The following KIRREL3 variants were observed in gnomAD, a reference collection of about 807,000 sequenced individuals.
The protein encoded by KIRREL3 is kin of IRRE-like protein 3.
Under a neutral mutation model 89.7 loss-of-function variants are expected in KIRREL3, and 36 were observed. The ratio of observed to expected loss-of-function variants is 0.40; its 90% CI spans 0.31 to 0.53. The LOEUF is 0.53. KIRREL3 is among the 20% of genes least tolerant of loss of function. The pLI is 0.49. For synonymous variants in KIRREL3, 445 were observed against 441.4 expected, an observed-to-expected ratio of 1.01 and a Z score of -0.10; for missense variants, 864 against 1,056.6, an observed-to-expected ratio of 0.82 and a Z score of 2.53.
chr11:126,483,952 C>A (rs1957285255), intron 4 of KIRREL3, among the ~76,000 whole-genome samples: 1 of 152,232 alleles, frequency 6.6e-6, no homozygotes, highest in Non-Finnish European at 1.5e-5. Context: ...CTCCCACCTG[C>A]AGCCTCTGCA....
Position 126,601,406 on chromosome 11 carries a change from G to C in KIRREL3, c.56-38494C>G, listed in dbSNP as rs1247519421. 2.0e-5 allele frequency among the ~76,000 whole-genome samples: 3 copies of C among 152,270 alleles called. No homozygotes were observed. The highest frequency in any genetic ancestry group is 3.9e-4 in the East Asian group (2 of 5,178). On this transcript the variant is annotated intron_variant, in intron 1 of 16. Coordinates refer to ENST00000525144, the MANE Select transcript of KIRREL3 (RefSeq NM_032531.4). This position sits in a 1 kb window ranked among gnomAD's most constrained non-coding sequence, Gnocchi z 5.8. ...CTGGGAGCACCTGCAATCTCATCTT[G>C]TTTCTTTCCAAGCACCAGGGAAGAA...
intron 2 of KIRREL3, among the ~76,000 whole-genome samples, chr11:126,540,972 A>G (rs1291971453): frequency 6.6e-6 from 1 of 152,124 alleles, no homozygotes; most frequent in Admixed American, 6.5e-5. Context: ...AGCAGCATGG[A>G]AGGAAGAGAG....
chr11:126,929,349 T>C (rs1277543956), intron 1 of KIRREL3, among the ~76,000 whole-genome samples: 2 of 151,982 alleles, frequency 1.3e-5, no homozygotes, highest in Non-Finnish European at 2.9e-5. Flanking sequence ...ACAGGGAAGG[T>C]ACAGGCTTGT....
At position 126,772,522 on chromosome 11, in the gene KIRREL3, T is replaced by C. The variant is rs1950049253; in HGVS notation, c.56-209610A>G. On this transcript the variant is annotated intron_variant, in intron 1 of 16. Transcript: ENST00000525144. This position sits in a 1 kb window ranked among gnomAD's most constrained non-coding sequence, Gnocchi z 4.6. ...GACCTGAAATGGCATGTGTGTGACATGTGTGTTTCACCTCCGGAGTCAGTC... is the reference window on the plus strand; with the variant it reads ...GACCTGAAATGGCATGTGTGTGACACGTGTGTTTCACCTCCGGAGTCAGTC... Among the ~76,000 whole-genome samples, 1 of 152,226 alleles carries C rather than the reference T, an allele frequency of 6.6e-6. No individual in the cohort carries two copies. Among genetic ancestry groups the C allele is most frequent in the African/African-American group, 2.4e-5 (1 of 41,460 alleles).
chr11:126,845,321 A>G (rs1018997388), intron 1 of KIRREL3, among the ~76,000 whole-genome samples: 7 of 152,222 alleles, frequency 4.6e-5, no homozygotes, highest in African/African-American at 1.7e-4. Flanking sequence ...AGAACTTCTT[A>G]CCAATCAGAC....
At chr11:126,874,575 C>T (rs1945209294) in intron 1 of KIRREL3, among the ~76,000 whole-genome samples, 2 of 152,268 alleles carry the variant, frequency 1.3e-5, no homozygotes, top group East Asian at 3.9e-4. Flanking sequence ...CAACTGGACG[C>T]TTTATTTTCA....
In KIRREL3 at chr11:126,812,626, G is replaced by A. The variant is rs987600693; in HGVS notation, c.55+187829C>T. 2.6e-5 allele frequency among the ~76,000 whole-genome samples: 4 copies of A among 152,184 alleles called. No individual in the cohort carries two copies. The highest frequency in any genetic ancestry group is 5.9e-5 in the Non-Finnish European group (4 of 68,034). ...CTGTAGATTTCAGATGCAAGGCAAT[G>A]GTTAGTAACTAGATTTTCTTAGTCC... On this transcript the variant is annotated intron_variant, in intron 1 of 16. Transcript: ENST00000525144. This position sits in a 1 kb window ranked among gnomAD's most constrained non-coding sequence, Gnocchi z 5.2.
chr11:126,721,752 G>A (rs1017891648), intron 1 of KIRREL3, among the ~76,000 whole-genome samples: 15 of 152,142 alleles, frequency 9.9e-5, no homozygotes, highest in African/African-American at 2.7e-4. Flanking sequence ...GGTCTGGCAA[G>A]GAGGCCTTGA....
chr11:126,487,001 C>A (rs144252708), intron 4 of KIRREL3, among the ~76,000 whole-genome samples: 3 of 152,026 alleles, frequency 2.0e-5, no homozygotes, highest in Non-Finnish European at 4.4e-5. Context: ...TCAGTAAGGA[C>A]GAAAATGAGG....
Position 126,817,430 on chromosome 11 carries a change from C to T in KIRREL3, c.55+183025G>A, listed in dbSNP as rs1009271553. 2.0e-5 allele frequency among the ~76,000 whole-genome samples: 3 copies of T among 152,196 alleles called. No homozygotes were observed. The highest frequency in any genetic ancestry group is 7.2e-5 in the African/African-American group (3 of 41,446). ...TGCGAGTGACTGAGGGCTTCAGCTT[C>T]CTCATTGTGGGGGACAGAAGGGGAT... is the stretch of plus-strand genomic sequence containing the variant. On this transcript the variant is annotated intron_variant, in intron 1 of 16. Transcript: ENST00000525144. The surrounding 1 kb of genome is among the most constrained non-coding windows in gnomAD (Gnocchi z 5.7).
rs1957095041 is a variant in KIRREL3, at chr11:126,477,335, G to C, written c.434-3869C>G. ...TGCAGACTTTGCCTTGTTTGGGTGG[G>C]CGGTGGGGGTACCCGTCCCTTTCCC... On this transcript the variant is annotated intron_variant, in intron 4 of 16. Transcript: ENST00000525144. The surrounding 1 kb of genome is among the most constrained non-coding windows in gnomAD (Gnocchi z 4.8). Among the ~76,000 whole-genome samples, 1 of 152,182 alleles carries C rather than the reference G, an allele frequency of 6.6e-6. No individual in the cohort carries two copies. Among genetic ancestry groups the C allele is most frequent in the Non-Finnish European group, 1.5e-5 (1 of 68,032 alleles).
chr11:126,696,841 C>T lies in KIRREL3; in HGVS notation c.56-133929G>A, dbSNP rs112751087. Among the ~76,000 whole-genome samples, 1 of 152,198 alleles carries T rather than the reference C, an allele frequency of 6.6e-6. No homozygotes were observed. Reference sequence around the variant, plus strand: ...TAGACTGTGGAATGAGGTTGACTAGCGCTTACATCCAGACACTACTGTACC... The same window carrying T: ...TAGACTGTGGAATGAGGTTGACTAGTGCTTACATCCAGACACTACTGTACC... On this transcript the variant is annotated intron_variant, in intron 1 of 16. Coordinates refer to ENST00000525144, the MANE Select transcript of KIRREL3 (RefSeq NM_032531.4). This position sits in a 1 kb window ranked among gnomAD's most constrained non-coding sequence, Gnocchi z 4.4.
At chr11:126,679,598 ATAT>A (rs1946358836) in intron 1 of KIRREL3, among the ~76,000 whole-genome samples, 1 of 152,172 alleles carries the variant, frequency 6.6e-6, no homozygotes, top group Admixed American at 6.5e-5. Context: ...ATTAATCATA[ATAT>A]TGTGACTTTG....
Position 126,814,448 on chromosome 11 carries a change from T to C in KIRREL3, c.55+186007A>G, listed in dbSNP as rs765704853. Reference sequence around the variant, plus strand: ...ACCCAAAGGAATATAAATCATTGTATTATAAAGATACATGCACTACATATG... The same window carrying C: ...ACCCAAAGGAATATAAATCATTGTACTATAAAGATACATGCACTACATATG... On this transcript the variant is annotated intron_variant, in intron 1 of 16. Transcript: ENST00000525144. This position sits in a 1 kb window ranked among gnomAD's most constrained non-coding sequence, Gnocchi z 4.4. Among the ~76,000 whole-genome samples the C allele has an allele frequency of 1.3e-5, 2 of 152,192 alleles. No homozygotes were observed. The highest frequency in any genetic ancestry group is 2.9e-5 in the Non-Finnish European group (2 of 68,024).
rs1477933151 is a variant in KIRREL3, at chr11:126,501,521, C to A, written c.433+19794G>T. 6.6e-6 allele frequency among the ~76,000 whole-genome samples: 1 copy of A among 152,146 alleles called. No homozygotes were observed. The highest frequency in any genetic ancestry group is 1.5e-5 in the Non-Finnish European group (1 of 68,022). ...TTGATGTGCTACACATTGCAGGGAGCATTTTCATCCCAGGCGGTGCGTGAC... is the reference window on the plus strand; with the variant it reads ...TTGATGTGCTACACATTGCAGGGAGAATTTTCATCCCAGGCGGTGCGTGAC... On this transcript the variant is annotated intron_variant, in intron 4 of 16. Transcript: ENST00000525144. The surrounding 1 kb of genome is among the most constrained non-coding windows in gnomAD (Gnocchi z 5.8).
chr11:126,435,068 G>A (rs1240669304), intron 13 of KIRREL3, among the ~76,000 whole-genome samples, 200 bp downstream of exon 13: 1 of 152,106 alleles, frequency 6.6e-6, no homozygotes, highest in Non-Finnish European at 1.5e-5. Flanking sequence ...CAGGAGACAG[G>A]TCTCTGGGGT....
intron 1 of KIRREL3, among the ~76,000 whole-genome samples, chr11:126,661,931 C>G (rs1056329092): frequency 6.6e-6 from 1 of 151,952 alleles, no homozygotes; most frequent in Non-Finnish European, 1.5e-5. Flanking sequence ...ACCCAGCCTT[C>G]GAAACAGCAT....
intron 1 of KIRREL3, among the ~76,000 whole-genome samples, chr11:126,798,685 A>T (rs942600206): frequency 2.0e-5 from 3 of 151,964 alleles, no homozygotes; most frequent in Non-Finnish European, 4.4e-5. Flanking sequence ...GGTCCTTTTG[A>T]TTTCTAAGGT....
rs1045793687 is a variant in KIRREL3 at position 126,653,026 on chromosome 11, G to A, written c.56-90114C>T. ...TAAATGTCTCCTACACTCTTAATTG[G>A]GTTTTGTCGGGTTGTGGGGGTGGGG... On this transcript the variant is annotated intron_variant, in intron 1 of 16. Coordinates refer to ENST00000525144, the MANE Select transcript of KIRREL3 (RefSeq NM_032531.4). The surrounding 1 kb of genome is among the most constrained non-coding windows in gnomAD (Gnocchi z 5.4). 3 of 152,104 alleles carry A rather than the reference G, an allele frequency of 2.0e-5. No individual in the cohort carries two copies. Among genetic ancestry groups the A allele is most frequent in the African/African-American group, 7.2e-5 (3 of 41,390 alleles). The allele number at this position is 152,104 out of a possible 1,614,324, so 9.4% of individuals were successfully genotyped here.
Sources: allele counts gnomAD v4.1 joint callset (sites outside exome capture counted in the v4.1 genomes callset), GRCh38; gene constraint gnomAD v4.1.1; non-coding constraint Gnocchi (gnomAD v3.1); transcripts MANE v1.5; gene names NCBI Gene and HGNC (gene_info 2026-07-23, HGNC 2026-07-21).